BCL2: variants seen among roughly 807,000 people sequenced by gnomAD.
The protein encoded by BCL2 is apoptosis regulator Bcl-2.
BCL2 carries 1 observed loss-of-function variant against 14.2 expected under a neutral mutation model. The ratio of observed to expected loss-of-function variants is 0.07; its 90% CI spans 0.02 to 0.33. The LOEUF is 0.33. Ranked by LOEUF, BCL2 falls within the 10% of genes least tolerant of loss-of-function variation. BCL2 has a pLI of 0.99. For synonymous variants in BCL2, 151 were observed against 137.2 expected (o/e 1.10, Z -0.70); for missense variants, 247 against 305.9 (o/e 0.81, Z 1.44).
intron 2 of BCL2, among the ~76,000 whole-genome samples, chr18:63,266,091 T>C (rs1378956860): frequency 6.6e-6 from 1 of 152,140 alleles, no homozygotes; most frequent in Non-Finnish European, 1.5e-5. Flanking sequence ...TCAACTCGTA[T>C]GTGTGCAAAA....
chr18:63,267,164 T>C lies in BCL2; in HGVS notation c.585+50918A>G, dbSNP rs12963263. Among the ~76,000 whole-genome samples, 1,444 of 152,212 alleles carry C rather than the reference T, an allele frequency of 9.5e-3. 12 individuals carry two copies. The highest frequency in any genetic ancestry group is 0.02 in the Middle Eastern group (6 of 294). The stretch of plus-strand genomic sequence containing the variant: ...AAGGCCGAGGAAGTGAGAGCGTGGA[T>C]CAGTCACGACAGTTTCTCTGGGGGT... On this transcript the variant is annotated intron_variant, in intron 2 of 2. Coordinates refer to ENST00000333681, the MANE Select transcript of BCL2 (RefSeq NM_000633.3).
chr18:63,319,018 A>G, intron 1 of BCL2, 66 bp from the exon 2 acceptor site: 3 of 1,164,428 alleles, frequency 2.6e-6, no homozygotes, highest in South Asian at 5.6e-5. Flanking sequence ...GTACACACTG[A>G]GTGAAAGCAG....
intron 2 of BCL2, among the ~76,000 whole-genome samples, chr18:63,214,100 T>C (rs765768911): frequency 1.1e-4 from 16 of 152,166 alleles, no homozygotes; most frequent in Non-Finnish European, 2.1e-4. Context: ...ATGGCTGTGA[T>C]GCCCAAGCCT....
chr18:63,241,873 T>C (rs1269448568), intron 2 of BCL2, among the ~76,000 whole-genome samples: 3 of 152,212 alleles, frequency 2.0e-5, no homozygotes, highest in Non-Finnish European at 2.9e-5. Context: ...AATACAACTT[T>C]GAAAAGGAGT....
intron 2 of BCL2, among the ~76,000 whole-genome samples, chr18:63,227,227 C>G (rs1423344383): frequency 2.6e-5 from 4 of 152,138 alleles, no homozygotes; most frequent in Non-Finnish European, 4.4e-5. Flanking sequence ...AATTATTATT[C>G]AAGACCAAGA....
chr18:63,215,578 G>A (rs991616289), intron 2 of BCL2, among the ~76,000 whole-genome samples: 1 of 152,208 alleles, frequency 6.6e-6, no homozygotes, highest in African/African-American at 2.4e-5. Context: ...ATAAAGTATG[G>A]AAGGACACAG....
intron 2 of BCL2, among the ~76,000 whole-genome samples, chr18:63,180,525 G>A (rs931856710): frequency 8.0e-4 from 41 of 50,946 alleles, no homozygotes; most frequent in East Asian, 1.4e-3. Context: ...ACCCCAGACC[G>A]CCCATCCCAC....
chr18:63,169,361 C>CTTTA (rs1915155381), intron 2 of BCL2, among the ~76,000 whole-genome samples: 1 of 60,526 alleles, frequency 1.7e-5, no homozygotes. Context: ...TTCTTTCTTT[C>CTTTA]TTTCTTTCTC....
intron 2 of BCL2, among the ~76,000 whole-genome samples, chr18:63,281,723 A>AGAAAGAAG (rs1555707205): frequency 4.3e-4 from 65 of 150,248 alleles, no homozygotes; most frequent in African/African-American, 1.5e-3. Context: ...AAAGAAAGAA[A>AGAAAGAAG]GAAAGAAAGA....
At chr18:63,229,360 C>T (rs1278140936) in intron 2 of BCL2, among the ~76,000 whole-genome samples, 1 of 152,036 alleles carries the variant, frequency 6.6e-6, no homozygotes, top group Admixed American at 6.5e-5. Context: ...GATTGTGTGC[C>T]TTTGCATTTA....
intron 2 of BCL2, among the ~76,000 whole-genome samples, chr18:63,303,600 T>G (rs1397068667): frequency 6.6e-6 from 1 of 152,148 alleles, no homozygotes; most frequent in Non-Finnish European, 1.5e-5. Flanking sequence ...AGGATGCTGG[T>G]TTTGCCTCTT....
intron 2 of BCL2, among the ~76,000 whole-genome samples, chr18:63,241,844 C>T (rs4987757): frequency 0.024 from 3,695 of 152,330 alleles, 62 homozygotes; most frequent in Non-Finnish European, 0.038. Flanking sequence ...GTCTCGCTAT[C>T]AGGTCACCTT....
intron 2 of BCL2, among the ~76,000 whole-genome samples, chr18:63,172,064 A>G (rs1915234251): frequency 6.6e-6 from 1 of 152,278 alleles, no homozygotes; most frequent in South Asian, 2.1e-4. Flanking sequence ...TTAGATTTCA[A>G]CTCTGACCTG....
At chr18:63,204,472 A>T (rs933926806) in intron 2 of BCL2, among the ~76,000 whole-genome samples, 2 of 152,168 alleles carry the variant, frequency 1.3e-5, no homozygotes, top group African/African-American at 2.4e-5. Context: ...ACATATTCCA[A>T]CTGAGGTCAG....
chr18:63,155,901 C>T (rs1198436049), intron 2 of BCL2, among the ~76,000 whole-genome samples: 1 of 152,156 alleles, frequency 6.6e-6, no homozygotes, highest in African/African-American at 2.4e-5. Flanking sequence ...GGCCCATCCT[C>T]CCTCTCCCAG....
At chr18:63,208,872 A>T (rs1337167682) in intron 2 of BCL2, among the ~76,000 whole-genome samples, 1 of 152,184 alleles carries the variant, frequency 6.6e-6, no homozygotes, top group African/African-American at 2.4e-5. Flanking sequence ...GGGCCCTGCC[A>T]CGTTGTCCTG....
intron 2 of BCL2, among the ~76,000 whole-genome samples, chr18:63,134,843 A>G (rs1023590640): frequency 6.6e-6 from 1 of 152,282 alleles, no homozygotes; most frequent in South Asian, 2.1e-4. Context: ...GAAATCAAAC[A>G]CAGCTATCGA....
chr18:63,214,072 C>G (rs186250628), intron 2 of BCL2, among the ~76,000 whole-genome samples: 1 of 152,284 alleles, frequency 6.6e-6, no homozygotes, highest in Non-Finnish European at 1.5e-5. Flanking sequence ...CCAAGAAATG[C>G]AATCTCAAGA....
chr18:63,175,480 G>A (rs1915330785), intron 2 of BCL2, among the ~76,000 whole-genome samples: 4 of 152,236 alleles, frequency 2.6e-5, no homozygotes, highest in Non-Finnish European at 5.9e-5. Context: ...TAAGCAGCCA[G>A]CACAGCTGGG....
Sources: gnomAD v4.1 joint callset for allele counts (sites outside exome capture counted in the v4.1 genomes callset) on GRCh38, gnomAD v4.1.1 for gene constraint, MANE v1.5 for transcripts, NCBI Gene and HGNC (gene_info 2026-07-23, HGNC 2026-07-21) for gene names.